The following BRI3BP variants were observed in gnomAD, a reference collection of about 807,000 sequenced individuals.
BRI3BP encodes the protein BRI3-binding protein.
A neutral mutation model predicts 15.8 loss-of-function variants in BRI3BP; 7 were observed. That is an observed-to-expected ratio of 0.44 (90% CI 0.25 to 0.83). The LOEUF is 0.83. Ranked by LOEUF, BRI3BP falls within the 40% of genes least tolerant of loss-of-function variation. The probability of loss-of-function intolerance (pLI) is 0.20; values close to 1 mark genes in which losing one functional copy is unlikely to be tolerated. For synonymous variants in BRI3BP, 192 were observed against 163.5 expected (o/e 1.17, Z -1.33); for missense variants, 320 against 339.3 (o/e 0.94, Z 0.45).
intron 1 of BRI3BP, among the ~76,000 whole-genome samples, chr12:124,994,828 C>T (rs7139310): frequency 0.81 from 122,752 of 152,186 alleles, 50,442 homozygotes; most frequent in East Asian, 1. Flanking sequence ...TCTTGCTTGC[C>T]GCCAGCCTTC....
At chr12:125,048,737 G>T in the BRI3BP span, among the ~76,000 whole-genome samples, 4 of 151,342 alleles carry the variant, frequency 2.6e-5, no homozygotes, top group Admixed American at 2.6e-4. Flanking sequence ...AAAAAAAAAA[G>T]AAATTCGGTT....
chr12:125,004,199 G>A (rs1955123061), intron 1 of BRI3BP, among the ~76,000 whole-genome samples: 2 of 152,000 alleles, frequency 1.3e-5, no homozygotes, highest in African/African-American at 4.8e-5. Flanking sequence ...TTGAGACAAG[G>A]TCTTGCTTTG....
the BRI3BP span, among the ~76,000 whole-genome samples, chr12:125,047,194 G>A: frequency 6.6e-6 from 1 of 151,778 alleles, no homozygotes; most frequent in African/African-American, 2.4e-5. Flanking sequence ...ACCCAGCCTG[G>A]ACTGACTGCA....
the BRI3BP span, among the ~76,000 whole-genome samples, chr12:125,049,703 A>C: frequency 6.6e-6 from 1 of 152,190 alleles, no homozygotes; most frequent in South Asian, 2.1e-4. Context: ...GCGGCCTATG[A>C]ACCGGAACGC....
At chr12:125,044,148 G>T in the BRI3BP span, among the ~76,000 whole-genome samples, 4 of 150,842 alleles carry the variant, frequency 2.7e-5, no homozygotes, top group Non-Finnish European at 5.9e-5. Context: ...TTTTTGTTTT[G>T]GTTGTTTTTT....
chr12:125,025,589 G>T lies in BRI3BP; in HGVS notation c.*159G>T. 1.4e-6 allele frequency: 1 copy of T among 712,770 alleles called. No homozygotes were observed. Among genetic ancestry groups the T allele is most frequent in the South Asian group, 2.2e-5 (1 of 46,276 alleles). 44.2% of individuals were successfully genotyped at this position (712,770 alleles called of 1,614,324 possible). A position where few individuals can be genotyped will look rare whatever the true frequency, so the allele number is the denominator to read the frequency against. On this transcript the variant is annotated 3_prime_UTR_variant, in exon 3 of 3. Coordinates refer to ENST00000341446, the MANE Select transcript of BRI3BP (RefSeq NM_080626.6). ...TTTCCACCCACCCGGCAGCTCTTAG[G>T]ACACATTCCCAGAAGAGCGGAAAGA...
At chr12:125,047,273 C>G in the BRI3BP span, among the ~76,000 whole-genome samples, 3 of 151,848 alleles carry the variant, frequency 2.0e-5, no homozygotes, top group African/African-American at 4.8e-5. Context: ...CTCAGCCTCC[C>G]AAGTAGCTGG....
At chr12:125,019,442 CCCCAGGAGGTCCCTGAGA>C (rs1955274517) in intron 2 of BRI3BP, among the ~76,000 whole-genome samples, 1 of 151,892 alleles carries the variant, frequency 6.6e-6, no homozygotes, top group South Asian at 2.1e-4. Context: ...CTCAGAGGAA[CCCCAGGAGGTCCCTGAGA>C]CCCTTTTGGT....
rs374178073 is a variant in BRI3BP, at chr12:125,003,906, T to G, written c.214-8628T>G. On this transcript the variant is annotated intron_variant, in intron 1 of 2. Transcript: ENST00000341446. ...AGGCGGAGGTTGCAGTGAACCAAGA[T>G]TGCACCACTGCACTCCAGCTTGGGC... Among the ~76,000 whole-genome samples the G allele has an allele frequency of 1.3e-4, 20 of 151,052 alleles. No individual in the cohort carries two copies. In the East Asian group the frequency reaches 3.7e-3, roughly 28 times the overall value.
At chr12:125,015,050 A>G (rs1304065527) in intron 2 of BRI3BP, among the ~76,000 whole-genome samples, 1 of 152,198 alleles carries the variant, frequency 6.6e-6, no homozygotes, top group Non-Finnish European at 1.5e-5. Flanking sequence ...TGTAGGCGTG[A>G]GCCACCACAC....
rs537917077 is a variant in BRI3BP at position 124,996,119 on chromosome 12, G to C, written c.213+2116G>C. On this transcript the variant is annotated intron_variant, in intron 1 of 2. Coordinates refer to ENST00000341446, the MANE Select transcript of BRI3BP (RefSeq NM_080626.6). ...AGTAGAAAAGAGGTTTCACCATGTT[G>C]ACCAGTCTGGTCTCAAACTCCTGAC... is the stretch of plus-strand genomic sequence containing the variant. Among the ~76,000 whole-genome samples, 7 of 152,168 alleles carry C rather than the reference G, an allele frequency of 4.6e-5. No homozygotes were observed. In the South Asian group the frequency reaches 1.5e-3, roughly 32 times the overall value.
the BRI3BP span, among the ~76,000 whole-genome samples, chr12:125,048,034 AAG>A: frequency 1.5e-5 from 2 of 134,388 alleles, no homozygotes; most frequent in Non-Finnish European, 3.3e-5. Context: ...AAAAAAAAAA[AAG>A]ATTTTAAGTG....
chr12:125,035,553 C>A (rs1955436075), downstream of BRI3BP, among the ~76,000 whole-genome samples: 1 of 151,922 alleles, frequency 6.6e-6, no homozygotes, highest in East Asian at 1.9e-4. Flanking sequence ...GCTATCACAC[C>A]AGGCTAATGC....
rs1334629417 is a variant in BRI3BP, at chr12:125,025,021, C to T, written c.347C>T (p.Ala116Val). 1.9e-6 allele frequency: 3 copies of T among 1,613,128 alleles called. No individual in the cohort carries two copies. In the Admixed American group the frequency reaches 5.0e-5, roughly 27 times the overall value. Residue 116 changes from alanine to valine, a missense_variant, in exon 3 of 3, where the codon GCC becomes GTC. Transcript: ENST00000341446. ...VSNLSQYFSP[A>V]SVSSSPARAL... ...AACCTGTCCCAGTATTTCAGCCCAG[C>T]CTCGGTGTCCAGCAGCCCGGCCCGC...
chr12:125,006,605 C>T lies in BRI3BP; in HGVS notation c.214-5929C>T, dbSNP rs895990986. Among the ~76,000 whole-genome samples, 3 of 152,162 alleles carry T rather than the reference C, an allele frequency of 2.0e-5. No homozygotes were observed. In the East Asian group the frequency reaches 5.8e-4, roughly 29 times the overall value. Reference sequence around the variant, plus strand: ...GAGTTCCAGGTTGCCACCCTGCAACCCATGAATCTGACAAGAACCACCTCA... The same window carrying T: ...GAGTTCCAGGTTGCCACCCTGCAACTCATGAATCTGACAAGAACCACCTCA... On this transcript the variant is annotated intron_variant, in intron 1 of 2. Coordinates refer to ENST00000341446, the MANE Select transcript of BRI3BP (RefSeq NM_080626.6).
At chr12:125,046,879 T>C in the BRI3BP span, among the ~76,000 whole-genome samples, 2 of 152,192 alleles carry the variant, frequency 1.3e-5, no homozygotes, top group African/African-American at 4.8e-5. Flanking sequence ...TGTTTGTTTG[T>C]TTTTGGATCA....
chr12:125,023,254 GCT>G (rs1049226297), intron 2 of BRI3BP, among the ~76,000 whole-genome samples: 30 of 152,084 alleles, frequency 2.0e-4, no homozygotes, highest in African/African-American at 6.5e-4. Context: ...TGCATGTGGT[GCT>G]CTGGACCAAA....
In BRI3BP at chr12:124,993,916, G is replaced by A. The variant is rs1379163875; in HGVS notation, c.126G>A (p.Glu42=). 1 of 1,317,326 alleles carries A rather than the reference G, an allele frequency of 7.6e-7. No homozygotes were observed. The allele number at this position is 1,317,326 out of a possible 1,614,324, so 81.6% of individuals were successfully genotyped here. The stretch of plus-strand genomic sequence containing the variant: ...GGGCGCGGGGCCGCGGCGGCGCGGA[G>A]AAGAACAGCTACCGCCGCACGGTCA... The part of the protein sequence containing the change: ...AQGARGRGGA[E]KNSYRRTVNT... The change falls in exon 1 of 3, where the codon GAG becomes GAA. Residue 42 remains glutamate (E), a synonymous_variant. Coordinates refer to ENST00000341446, the MANE Select transcript of BRI3BP (RefSeq NM_080626.6).
At chr12:125,024,316 C>CA (rs1955328213) in intron 2 of BRI3BP, among the ~76,000 whole-genome samples, 1 of 100,184 alleles carries the variant, frequency 1.0e-5, no homozygotes, top group Non-Finnish European at 1.9e-5. Context: ...ATGATCCAAT[C>CA]ACCCCCCACG....
Sources: gnomAD v4.1 joint callset for allele counts (sites outside exome capture counted in the v4.1 genomes callset) on GRCh38, gnomAD v4.1.1 for gene constraint, MANE v1.5 for transcripts, NCBI Gene and HGNC (gene_info 2026-07-23, HGNC 2026-07-21) for gene names.